The following GPNMB variants were observed in gnomAD, a reference collection of about 807,000 sequenced individuals.
GPNMB encodes the protein transmembrane glycoprotein NMB.
In GPNMB, 71 loss-of-function variants were observed where a neutral mutation model predicts 57.3. The ratio of observed to expected loss-of-function variants is 1.24; its 90% CI spans 1.02 to 1.51. The LOEUF is 1.51. Ranked by LOEUF, GPNMB falls within the 40% of genes most tolerant of loss-of-function variation. GPNMB has a pLI of 0.00. For missense variants in GPNMB, 677 were observed against 691.9 expected (o/e 0.98, Z 0.24); for synonymous variants, 253 against 263.2 (o/e 0.96, Z 0.38).
chr7:23,247,434 T>A (rs1782557607), intron 1 of GPNMB: 1 of 167,834 alleles, frequency 6.0e-6, no homozygotes, highest in South Asian at 1.5e-4. Context: ...AAGCCCAGGC[T>A]CTCTACCCTG....
intron 4 of GPNMB, among the ~76,000 whole-genome samples, chr7:23,258,654 G>GTTAAC (rs1265365841): frequency 7.9e-5 from 12 of 151,994 alleles, no homozygotes; most frequent in Non-Finnish European, 1.6e-4. Context: ...CTTCCACTGA[G>GTTAAC]GTCTCAGAGT....
intron 1 of GPNMB, among the ~76,000 whole-genome samples, chr7:23,252,409 T>C (rs1368772564): frequency 2.0e-5 from 3 of 152,158 alleles, no homozygotes; most frequent in African/African-American, 7.2e-5. Flanking sequence ...CATACATCAA[T>C]CTGAACATTT....
At chr7:23,251,629 A>C (rs1477960900) in intron 1 of GPNMB, among the ~76,000 whole-genome samples, 1 of 152,218 alleles carries the variant, frequency 6.6e-6, no homozygotes, top group African/African-American at 2.4e-5. Flanking sequence ...CTCATAGTTA[A>C]ATATGGCTGC....
In GPNMB at chr7:23,269,991, C is replaced by T. The variant is rs138895733; in HGVS notation, c.1245C>T (p.Ile415=). 6.2e-7 allele frequency: 1 copy of T among 1,614,110 alleles called. No individual in the cohort carries two copies. The highest frequency in any genetic ancestry group is 8.5e-7 in the Non-Finnish European group (1 of 1,179,972). Reference sequence around the variant, plus strand: ...GCATTCCCACGGAGGTCTGTACCATCATTTCTGACCCCACCTGCGAGATCA... The same window carrying T: ...GCATTCCCACGGAGGTCTGTACCATTATTTCTGACCCCACCTGCGAGATCA... The part of the protein sequence containing the change: ...QGSIPTEVCT[I]ISDPTCEITQ... Residue 415 remains isoleucine (I), a synonymous_variant, in exon 9 of 11, where the codon ATC becomes ATT. Transcript: ENST00000258733.
chr7:23,251,824 T>C (rs1025219477), intron 1 of GPNMB, among the ~76,000 whole-genome samples: 3 of 152,140 alleles, frequency 2.0e-5, no homozygotes, highest in Non-Finnish European at 4.4e-5. Context: ...CCTGCCCAAA[T>C]TGTAAGGAAA....
intron 1 of GPNMB, chr7:23,250,733 G>C (rs527718313): frequency 6.6e-6 from 1 of 152,236 alleles, no homozygotes; most frequent in Non-Finnish European, 1.5e-5. Flanking sequence ...TTTTGATTAT[G>C]TTCCTGGAAA....
chr7:23,262,257 T>C (rs1562639181), intron 6 of GPNMB, among the ~76,000 whole-genome samples: 1 of 152,174 alleles, frequency 6.6e-6, no homozygotes, highest in Non-Finnish European at 1.5e-5. Context: ...GCATGTTCCT[T>C]AGTAAAAATT....
Position 23,257,044 on chromosome 7 carries a change from A to G in GPNMB, c.520A>G (p.Ile174Val), listed in dbSNP as rs777412652. 1.9e-6 allele frequency: 3 copies of G among 1,614,186 alleles called. No homozygotes were observed. The South Asian group carries it at 3.3e-5, about 18-fold the overall frequency. Residue 174 changes from isoleucine to valine, a missense_variant, in exon 4 of 11, where the codon ATC becomes GTC. Ile to Val is a conservative substitution (Grantham distance 29). Coordinates refer to ENST00000258733, the MANE Select transcript of GPNMB (RefSeq NM_002510.3). ...HHPGWRRWNF[I>V]YVFHTLGQYF... ...CCCCGGATGGAGAAGATGGAATTTCATCTACGTCTTCCACACACTTGGTTG... is the reference window on the plus strand; with the variant it reads ...CCCCGGATGGAGAAGATGGAATTTCGTCTACGTCTTCCACACACTTGGTTG...
chr7:23,260,831 G>T (rs199350), intron 6 of GPNMB, 58 bp downstream of exon 6: 45,211 of 1,277,240 alleles, frequency 0.035, 1,457 homozygotes, highest in African/African-American at 0.1. Flanking sequence ...AAATATTCAC[G>T]CAGGTCATAT....
intron 6 of GPNMB, among the ~76,000 whole-genome samples, chr7:23,264,870 A>T (rs1299054115): frequency 3.3e-5 from 5 of 152,230 alleles, no homozygotes; most frequent in Admixed American, 2.0e-4. Flanking sequence ...CCTGTCAAGA[A>T]CTTTCAAAAG....
At chr7:23,257,203 G>T in intron 4 of GPNMB, 138 bp downstream of exon 4, 1 of 766,200 alleles carries the variant, frequency 1.3e-6, no homozygotes, top group South Asian at 1.5e-5. Context: ...TAGCATGAGT[G>T]AACAGTGAGA....
intron 6 of GPNMB, 36 bp downstream of exon 6, chr7:23,260,809 T>A: frequency 1.4e-6 from 2 of 1,425,924 alleles, no homozygotes; most frequent in Non-Finnish European, 1.9e-6. Context: ...GGAGGCTCCT[T>A]AATGGCTAAC....
At position 23,257,039 on chromosome 7, in the gene GPNMB, A is replaced by T; in HGVS notation, c.515A>T (p.Asn172Ile). The change falls in exon 4 of 11, where the codon AAT (asparagine) becomes ATT (isoleucine). Residue 172 changes from asparagine to isoleucine, a missense_variant. Coordinates refer to ENST00000258733, the MANE Select transcript of GPNMB (RefSeq NM_002510.3). ...FPHHPGWRRW[N>I]FIYVFHTLGQ... ...CACCACCCCGGATGGAGAAGATGGA[A>T]TTTCATCTACGTCTTCCACACACTT... 9 of 1,614,206 alleles carry T rather than the reference A, an allele frequency of 5.6e-6. No homozygotes were observed. Among genetic ancestry groups the T allele is most frequent in the Non-Finnish European group, 7.6e-6 (9 of 1,180,000 alleles).
intron 6 of GPNMB, among the ~76,000 whole-genome samples, chr7:23,265,896 TC>T (rs1783045216): frequency 6.7e-6 from 1 of 149,032 alleles, no homozygotes; most frequent in Non-Finnish European, 1.5e-5. Context: ...TATAACTGCA[TC>T]TAGTATGGCC....
rs376499551 is a variant in GPNMB at position 23,267,857 on chromosome 7, G to A, written c.1118-29G>A. The stretch of plus-strand genomic sequence containing the variant: ...TGTTTGATTTCTGTTGTATTTTGAT[G>A]TGTTTTTCTCTGGGGGTTATTTTGT... On this transcript the variant is annotated intron_variant, in intron 7 of 10. Coordinates refer to ENST00000258733, the MANE Select transcript of GPNMB (RefSeq NM_002510.3). The A allele has an allele frequency of 9.7e-6, 13 of 1,337,702 alleles. 1 individual carries two copies. In the African/African-American group the frequency reaches 1.4e-4, roughly 15 times the overall value. The allele number at this position is 1,337,702 out of a possible 1,614,324, so 82.9% of individuals were successfully genotyped here.
At chr7:23,260,257 G>T in intron 5 of GPNMB, 119 bp downstream of exon 5, 1 of 1,115,484 alleles carries the variant, frequency 9.0e-7, no homozygotes. Flanking sequence ...GCCCACCTAA[G>T]CTTGTGTATT....
intron 6 of GPNMB, among the ~76,000 whole-genome samples, chr7:23,261,065 T>G (rs767163424): frequency 6.6e-6 from 1 of 152,164 alleles, no homozygotes; most frequent in Non-Finnish European, 1.5e-5. Flanking sequence ...CACTCTCCCC[T>G]CTTCTAACCT....
At position 23,257,879 on chromosome 7, in the gene GPNMB, G is replaced by T. The variant is rs553994330; in HGVS notation, c.541+814G>T. 2.6e-5 allele frequency: 4 copies of T among 152,126 alleles called. No homozygotes were observed. The East Asian group carries it at 7.7e-4, about 29-fold the overall frequency. 9.4% of individuals were successfully genotyped at this position (152,126 alleles called of 1,614,324 possible). ...AGAGATTATAATTGTTAATTATTAT[G>T]GTGTTTTCTTTGCTAGTATTTAAGA... is the stretch of plus-strand genomic sequence containing the variant. On this transcript the variant is annotated intron_variant, in intron 4 of 10. Transcript: ENST00000258733.
At chr7:23,267,741 C>A in intron 7 of GPNMB, 145 bp from the exon 8 acceptor site, 3 of 659,790 alleles carry the variant, frequency 4.5e-6, no homozygotes, top group East Asian at 5.3e-5. Flanking sequence ...CCCAAAGACC[C>A]CCCTCCTAAT....
Sources: gnomAD v4.1 joint callset for allele counts (sites outside exome capture counted in the v4.1 genomes callset) on GRCh38, gnomAD v4.1.1 for gene constraint, MANE v1.5 for transcripts, NCBI Gene and HGNC (gene_info 2026-07-23, HGNC 2026-07-21) for gene names.